The following ADAM7 variants were observed in gnomAD, a reference collection of about 807,000 sequenced individuals.
ADAM7 encodes the protein disintegrin and metalloproteinase domain-containing protein 7.
A neutral mutation model predicts 102.9 loss-of-function variants in ADAM7; 97 were observed. The ratio of observed to expected loss-of-function variants is 0.94; its 90% CI spans 0.80 to 1.12. ADAM7 has a LOEUF of 1.12. Ranked by LOEUF, ADAM7 falls within the 50% of genes most tolerant of loss-of-function variation. ADAM7 has a pLI of 0.00. For synonymous variants in ADAM7, 334 were observed against 304.4 expected, an observed-to-expected ratio of 1.10 and a Z score of -1.01; for missense variants, 991 against 908.7, an observed-to-expected ratio of 1.09 and a Z score of -1.16.
At chr8:24,476,562 A>T in intron 8 of ADAM7, 58 bp downstream of exon 8, 1 of 1,382,926 alleles carries the variant, frequency 7.2e-7, no homozygotes, top group South Asian at 1.2e-5. Flanking sequence ...AGAACCTTTC[A>T]GCGCAGTTCT....
rs1025045542 is a variant in ADAM7 at position 24,509,015 on chromosome 8, T to G, written c.*469T>G. ...GGTTTAAATGAAAGTCCTGCAGAAA[T>G]GCCAAAGAAGGCAGGGCAGAGCGGC... On this transcript the variant is annotated 3_prime_UTR_variant, in exon 22 of 22. Transcript: ENST00000175238. 1 of 991,206 alleles carries G rather than the reference T, an allele frequency of 1.0e-6. No individual in the cohort carries two copies. The highest frequency in any genetic ancestry group is 1.7e-5 in the African/African-American group (1 of 57,362). 61.4% of individuals were successfully genotyped at this position (991,206 alleles called of 1,614,324 possible).
chr8:24,442,336 G>T, intron 1 of ADAM7, 137 bp from the exon 2 acceptor site: 1 of 709,180 alleles, frequency 1.4e-6, no homozygotes, highest in Non-Finnish European at 2.6e-6. Context: ...AGTAAAGTGG[G>T]AATAACATTT....
chr8:24,488,456 C>G (rs1484493699), intron 11 of ADAM7, among the ~76,000 whole-genome samples: 1 of 152,116 alleles, frequency 6.6e-6, no homozygotes, highest in Non-Finnish European at 1.5e-5. Flanking sequence ...ACTAACACAA[C>G]TAAATGTGAT....
At chr8:24,502,939 T>A (rs149995522) in intron 20 of ADAM7, among the ~76,000 whole-genome samples, 169 of 152,216 alleles carry the variant, frequency 1.1e-3, no homozygotes, top group African/African-American at 3.6e-3. Context: ...TACTAACTAA[T>A]ACACTAACAA....
chr8:24,470,148 A>G (rs567120269), intron 7 of ADAM7, among the ~76,000 whole-genome samples: 2 of 152,276 alleles, frequency 1.3e-5, no homozygotes, highest in East Asian at 1.9e-4. Flanking sequence ...AAAGAGGCAG[A>G]TTGACTATAA....
At chr8:24,463,815 T>G in intron 3 of ADAM7, 67 bp from the exon 4 acceptor site, 1 of 1,320,264 alleles carries the variant, frequency 7.6e-7, no homozygotes, top group Non-Finnish European at 1.1e-6. Context: ...CTCCATCACA[T>G]TATAGGTTTT....
chr8:24,456,006 A>G (rs1585863080), intron 3 of ADAM7, among the ~76,000 whole-genome samples: 1 of 151,980 alleles, frequency 6.6e-6, no homozygotes, highest in Non-Finnish European at 1.5e-5. Context: ...CTCTAAGATT[A>G]TTTACTCTCA....
At chr8:24,465,631 T>C (rs1819398926) in intron 4 of ADAM7, 68 bp from the exon 5 acceptor site, 1 of 935,346 alleles carries the variant, frequency 1.1e-6, no homozygotes, top group East Asian at 2.8e-5. Context: ...ACAGAAAATA[T>C]TTAGATATTA....
At chr8:24,449,186 T>C (rs1818682605) in intron 3 of ADAM7, among the ~76,000 whole-genome samples, 1 of 152,218 alleles carries the variant, frequency 6.6e-6, no homozygotes, top group Admixed American at 6.5e-5. Context: ...GATGGCTCGG[T>C]CAAATGGTAT....
intron 7 of ADAM7, among the ~76,000 whole-genome samples, chr8:24,473,388 T>C (rs1044182544): frequency 2.1e-4 from 32 of 152,134 alleles, no homozygotes; most frequent in African/African-American, 7.7e-4. Flanking sequence ...GTACGTGATA[T>C]TGGGTTTCAG....
intron 12 of ADAM7, among the ~76,000 whole-genome samples, 180 bp downstream of exon 12, chr8:24,489,513 T>TTC (rs1190472674): frequency 3.3e-5 from 5 of 152,300 alleles, no homozygotes; most frequent in East Asian, 1.9e-4. Flanking sequence ...ATTCCAGGGC[T>TTC]TCTTATCAAG....
intron 3 of ADAM7, among the ~76,000 whole-genome samples, chr8:24,463,223 T>C (rs1819309349): frequency 6.6e-6 from 1 of 152,152 alleles, no homozygotes; most frequent in African/African-American, 2.4e-5. Flanking sequence ...GAAGAACTTC[T>C]AGAAGATTCT....
Position 24,482,133 on chromosome 8 carries a change from T to C in ADAM7, c.706-9T>C, listed in dbSNP as rs1333038747. On this transcript the variant is annotated splice_polypyrimidine_tract_variant and intron_variant, in intron 8 of 21. Transcript: ENST00000175238. The stretch of plus-strand genomic sequence containing the variant: ...TGACTTTGTGAAAAATGATTTCTTC[T>C]TTGAACAGATTTATAAAACCTTAAA... 6.4e-7 allele frequency: 1 copy of C among 1,565,754 alleles called. No individual in the cohort carries two copies. Among genetic ancestry groups the C allele is most frequent in the Non-Finnish European group, 8.6e-7 (1 of 1,161,856 alleles).
Position 24,500,804 on chromosome 8 carries a change from G to A in ADAM7, c.2017G>A (p.Val673Ile). The A allele has an allele frequency of 6.2e-7, 1 of 1,613,058 alleles. No homozygotes were observed. Among genetic ancestry groups the A allele is most frequent in the Non-Finnish European group, 8.5e-7 (1 of 1,179,352 alleles). ...TLHVTNITIL[V>I]VVLVLVIVGI... ...TCATGTTGCAGATATCACCATCTTG[G>A]TTGTTGTGCTTGTCCTGGTTATTGT... The change falls in exon 19 of 22, where the codon GTT (valine) becomes ATT (isoleucine). Residue 673 changes from valine to isoleucine, a missense_variant. Val to Ile is a conservative substitution (Grantham distance 29). Transcript: ENST00000175238.
At chr8:24,484,113 C>T (rs935002015) in intron 9 of ADAM7, among the ~76,000 whole-genome samples, 4 of 152,098 alleles carry the variant, frequency 2.6e-5, no homozygotes, top group Non-Finnish European at 4.4e-5. Flanking sequence ...CTTGTCCTGG[C>T]GCTTCCCCTC....
At chr8:24,466,640 G>A (rs890493633) in intron 5 of ADAM7, among the ~76,000 whole-genome samples, 159 bp from the exon 6 acceptor site, 2 of 152,108 alleles carry the variant, frequency 1.3e-5, no homozygotes, top group Non-Finnish European at 2.9e-5. Context: ...TTCAGTCAAA[G>A]GCCTCATATC....
chr8:24,500,899 C>A lies in ADAM7; in HGVS notation c.2108+4C>A. ...TCAAGTTGAAGCAAGTTCAGAGGTACATTTACATTTTTCTATGTGTTGAAG... is the reference window on the plus strand; with the variant it reads ...TCAAGTTGAAGCAAGTTCAGAGGTAAATTTACATTTTTCTATGTGTTGAAG... On this transcript the variant is annotated splice_donor_region_variant and intron_variant, in intron 19 of 21. Transcript: ENST00000175238. 13 of 1,599,924 alleles carry A rather than the reference C, an allele frequency of 8.1e-6. No individual in the cohort carries two copies. Among genetic ancestry groups the A allele is most frequent in the Non-Finnish European group, 1.1e-5 (13 of 1,168,186 alleles).
At chr8:24,466,125 C>A (rs571596915) in intron 5 of ADAM7, among the ~76,000 whole-genome samples, 1 of 151,968 alleles carries the variant, frequency 6.6e-6, no homozygotes. Context: ...TAAAATTGAG[C>A]CTGAAACCCA....
chr8:24,447,545 T>G (rs1301688066), intron 3 of ADAM7, among the ~76,000 whole-genome samples: 1 of 152,168 alleles, frequency 6.6e-6, no homozygotes, highest in Non-Finnish European at 1.5e-5. Flanking sequence ...GTTGATACAT[T>G]ACTGTGTTGG....
Sources: gnomAD v4.1 joint callset for allele counts (sites outside exome capture counted in the v4.1 genomes callset) on GRCh38, gnomAD v4.1.1 for gene constraint, MANE v1.5 for transcripts, NCBI Gene and HGNC (gene_info 2026-07-23, HGNC 2026-07-21) for gene names.